TBC1D2B: variants seen among roughly 807,000 people sequenced by gnomAD.
TBC1D2B encodes the protein TBC1 domain family member 2B, also known as TBC1 domain family, member 2B.
In TBC1D2B, 64 loss-of-function variants were observed where a neutral mutation model predicts 100.8. The observed-to-expected ratio is 0.64, with a 90% CI of 0.52 to 0.78. The LOEUF is 0.78. Among genes scored for constraint, TBC1D2B ranks in the 30% least tolerant of loss-of-function variants. The pLI, the probability that TBC1D2B is intolerant of heterozygous loss-of-function variation, is 0.00. For synonymous variants in TBC1D2B, 480 were observed against 479.7 expected, an observed-to-expected ratio of 1.00 and a Z score of -0.01; for missense variants, 1,052 against 1,218.4, an observed-to-expected ratio of 0.86 and a Z score of 2.03.
At chr15:78,038,027 G>A (rs1353916705) in intron 3 of TBC1D2B, among the ~76,000 whole-genome samples, 1 of 152,104 alleles carries the variant, frequency 6.6e-6, no homozygotes, top group African/African-American at 2.4e-5. Context: ...GGGCAGGTGG[G>A]TGTGGGCAGA....
intron 1 of TBC1D2B, among the ~76,000 whole-genome samples, chr15:78,069,096 G>A (rs1194570523): frequency 1.3e-5 from 2 of 151,684 alleles, no homozygotes; most frequent in Non-Finnish European, 1.5e-5. Flanking sequence ...TGGCTCAAAG[G>A]TAAAAGCAAC....
chr15:78,040,454 T>C (rs2141753841), intron 3 of TBC1D2B, among the ~76,000 whole-genome samples: 1 of 151,736 alleles, frequency 6.6e-6, no homozygotes, highest in African/African-American at 2.4e-5. Context: ...GGGGCTGAGG[T>C]GTGAGGATCA....
chr15:78,039,704 T>C (rs780317305), intron 3 of TBC1D2B, among the ~76,000 whole-genome samples: 2 of 152,010 alleles, frequency 1.3e-5, no homozygotes, highest in Non-Finnish European at 2.9e-5. Flanking sequence ...GCAGTTCTTA[T>C]TTATAACCTT....
chr15:78,061,221 G>T (rs1432666501), intron 1 of TBC1D2B, among the ~76,000 whole-genome samples: 1 of 150,484 alleles, frequency 6.6e-6, no homozygotes, highest in Non-Finnish European at 1.5e-5. Context: ...TCCAACCTAG[G>T]CAACAAGAGC....
At chr15:78,060,024 C>T (rs1482729856) in intron 1 of TBC1D2B, among the ~76,000 whole-genome samples, 1 of 152,110 alleles carries the variant, frequency 6.6e-6, no homozygotes, top group African/African-American at 2.4e-5. Context: ...CAAAATTTAC[C>T]ACATTTTAGA....
intron 1 of TBC1D2B, among the ~76,000 whole-genome samples, chr15:78,056,622 A>G (rs1011034132): frequency 1.3e-5 from 2 of 151,830 alleles, no homozygotes; most frequent in Non-Finnish European, 2.9e-5. Flanking sequence ...GTCACTAGGC[A>G]AGTCAGGAAC....
rs1318961596 is a variant in TBC1D2B, at chr15:78,077,391, A to G, written c.262T>C (p.Cys88Arg). The G allele has an allele frequency of 6.5e-7, 1 of 1,544,612 alleles. No homozygotes were observed. The highest frequency in any genetic ancestry group is 2.5e-5 in the East Asian group (1 of 40,228). The change falls in exon 1 of 13, where the codon TGC becomes CGC. Residue 88 changes from cysteine to arginine, a missense_variant. Transcript: ENST00000300584. ...TCGTCGGGGCCCTGGTAGCTGAAGC[A>G]GGCGTCCGCGATGTCCAAGTGGCCG... ...PLGHLDIADA[C>R]FSYQGPDEAA...
In TBC1D2B at chr15:77,996,269, A is replaced by AG. The variant is rs1217735469; in HGVS notation, c.*1890dup. 35 of 152,174 alleles carry AG rather than the reference A, an allele frequency of 2.3e-4. No homozygotes were observed. The highest frequency in any genetic ancestry group is 8.2e-4 in the African/African-American group (34 of 41,520). 9.4% of individuals were successfully genotyped at this position (152,174 alleles called of 1,614,324 possible). On this transcript the variant is annotated 3_prime_UTR_variant, in exon 13 of 13. Coordinates refer to ENST00000300584, the MANE Select transcript of TBC1D2B (RefSeq NM_144572.2). ...CTGGACAACACGAGCCTGTCCCTAA[A>AG]GGCAGCTCTTAGCCCCAGGACATGG...
intron 3 of TBC1D2B, among the ~76,000 whole-genome samples, chr15:78,037,571 C>T (rs546392337): frequency 3.3e-5 from 5 of 151,944 alleles, no homozygotes; most frequent in African/African-American, 9.7e-5. Context: ...GGAGGGACAG[C>T]CTCTTACCCA....
At chr15:78,012,613 G>A (rs1440473943) in intron 9 of TBC1D2B, among the ~76,000 whole-genome samples, 3 of 152,208 alleles carry the variant, frequency 2.0e-5, no homozygotes, top group African/African-American at 7.2e-5. Flanking sequence ...TAACTCTTGT[G>A]TTCTTAATAC....
chr15:78,002,887 G>A (rs1217091919), intron 11 of TBC1D2B: 1 of 176,980 alleles, frequency 5.7e-6, no homozygotes, highest in South Asian at 1.4e-4. Flanking sequence ...ATACAACAGA[G>A]CGGGTGGGAG....
intron 12 of TBC1D2B, chr15:77,998,831 C>T (rs1178475658): frequency 5.9e-6 from 1 of 169,984 alleles, no homozygotes; most frequent in Admixed American, 5.8e-5. Flanking sequence ...TGGGAATGAA[C>T]ACAGGCCCAG....
In TBC1D2B at chr15:78,013,251, C is replaced by G; in HGVS notation, c.1842G>C (p.Lys614Asn). Residue 614 changes from lysine to asparagine, a missense_variant, in exon 9 of 13, where the codon AAG becomes AAC. Physicochemically the swap from Lys to Asn is moderately conservative, Grantham distance 94 (BLOSUM62 0). Coordinates refer to ENST00000300584, the MANE Select transcript of TBC1D2B (RefSeq NM_144572.2). Reference protein sequence around the residue: ...EDDEEEKLVAKVRALDLKTLY... With the variant: ...EDDEEEKLVANVRALDLKTLY... ...GAGTCTTCAGATCCAACGCGCGGACCTTGGCAACCAATTTCTCTTCCTCAT... is the reference window on the plus strand; with the variant it reads ...GAGTCTTCAGATCCAACGCGCGGACGTTGGCAACCAATTTCTCTTCCTCAT... 6.2e-7 allele frequency: 1 copy of G among 1,613,978 alleles called. No individual in the cohort carries two copies. The highest frequency in any genetic ancestry group is 1.6e-4 in the Middle Eastern group (1 of 6,062).
At chr15:78,001,242 C>T (rs11858138) in intron 12 of TBC1D2B, among the ~76,000 whole-genome samples, 10,115 of 152,276 alleles carry the variant, frequency 0.066, 422 homozygotes, top group East Asian at 0.23. Flanking sequence ...ATGGATCAAA[C>T]GATGCGCAAC....
At chr15:78,024,613 T>G (rs2072610460) in intron 5 of TBC1D2B, 74 bp from the exon 6 acceptor site, 11 of 1,334,776 alleles carry the variant, frequency 8.2e-6, no homozygotes, top group Non-Finnish European at 1.1e-5. Context: ...ATCATGACAT[T>G]ACATGGAGTA....
intron 3 of TBC1D2B, among the ~76,000 whole-genome samples, chr15:78,032,801 A>T (rs2072849513): frequency 6.6e-6 from 1 of 152,162 alleles, no homozygotes; most frequent in Non-Finnish European, 1.5e-5. Flanking sequence ...ACCCTGCAAT[A>T]GAAACAACCT....
At chr15:78,000,918 C>T (rs1306607502) in intron 12 of TBC1D2B, among the ~76,000 whole-genome samples, 1 of 152,242 alleles carries the variant, frequency 6.6e-6, no homozygotes, top group Non-Finnish European at 1.5e-5. Context: ...CCCCCTAGAG[C>T]CCTCTAACAG....
chr15:78,076,340 G>C (rs183137167), intron 1 of TBC1D2B, among the ~76,000 whole-genome samples: 10 of 152,218 alleles, frequency 6.6e-5, no homozygotes, highest in Admixed American at 6.5e-4. Flanking sequence ...CAAGGAGGAA[G>C]AACACAGGAT....
Position 78,077,518 on chromosome 15 carries a change from C to G in TBC1D2B, c.135G>C (p.Ser45=), listed in dbSNP as rs2073850415. Reference sequence around the variant, plus strand: ...GGTAGCCACGCAGGGGGCCCTTGCCCGACAGCTTCTGCAGATAGCCACACA... The same window carrying G: ...GGTAGCCACGCAGGGGGCCCTTGCCGGACAGCTTCTGCAGATAGCCACACA... ...ARLCGYLQKL[S]GKGPLRGYRS... Residue 45 remains serine, a synonymous_variant, in exon 1 of 13, where the codon TCG becomes TCC. Coordinates refer to ENST00000300584, the MANE Select transcript of TBC1D2B (RefSeq NM_144572.2). 6.5e-7 allele frequency: 1 copy of G among 1,527,732 alleles called. No individual in the cohort carries two copies. The highest frequency in any genetic ancestry group is 2.6e-5 in the East Asian group (1 of 37,764). 94.6% of individuals were successfully genotyped at this position (1,527,732 alleles called of 1,614,324 possible).
Sources: gnomAD v4.1 joint callset for allele counts (sites outside exome capture counted in the v4.1 genomes callset) on GRCh38, gnomAD v4.1.1 for gene constraint, MANE v1.5 for transcripts, NCBI Gene and HGNC (gene_info 2026-07-23, HGNC 2026-07-21) for gene names.